Variants in CMSS1 observed in about 807,000 individuals in gnomAD.
The protein encoded by CMSS1 is protein CMSS1.
In CMSS1, 33 loss-of-function variants were observed where a neutral mutation model predicts 43.5. The observed-to-expected ratio is 0.76, with a 90% CI of 0.57 to 1.01. The LOEUF (loss-of-function observed/expected upper bound fraction) is 1.01. Among genes scored for constraint, CMSS1 ranks in the 50% least tolerant of loss-of-function variants. CMSS1 has a pLI of 0.00. For synonymous variants in CMSS1, 115 were observed against 117.2 expected (o/e 0.98, Z 0.12); for missense variants, 313 against 326.4 (o/e 0.96, Z 0.32).
intron 1 of CMSS1, among the ~76,000 whole-genome samples, chr3:100,062,670 A>C (rs1246437422): frequency 6.6e-6 from 1 of 152,194 alleles, no homozygotes; most frequent in African/African-American, 2.4e-5. Context: ...AATTTCAAAA[A>C]TCTCAAAACC....
intron 1 of CMSS1, among the ~76,000 whole-genome samples, chr3:99,854,497 A>T (rs1943857686): frequency 6.6e-6 from 1 of 152,074 alleles, no homozygotes; most frequent in Admixed American, 6.5e-5. Context: ...TTTTTCCATT[A>T]ATAGTTCCAG....
At chr3:100,156,299 CTTTTTTTTTTT>C (rs34413816) in intron 2 of CMSS1, among the ~76,000 whole-genome samples, 1 of 73,052 alleles carries the variant, frequency 1.4e-5, no homozygotes, top group Non-Finnish European at 2.6e-5. Context: ...AATTTTTTTT[CTTTTTTTTTTT>C]TTTTTTTTTT....
At chr3:99,836,361 C>G (rs1285557514) in intron 1 of CMSS1, among the ~76,000 whole-genome samples, 1 of 152,084 alleles carries the variant, frequency 6.6e-6, no homozygotes, top group Non-Finnish European at 1.5e-5. Flanking sequence ...AGACAAAGAG[C>G]AGTTCAAGAA....
Position 99,876,359 on chromosome 3 carries a change from C to T in CMSS1, c.64+58316C>T, listed in dbSNP as rs1705521122. Among the ~76,000 whole-genome samples, 9 of 152,234 alleles carry T rather than the reference C, an allele frequency of 5.9e-5. No homozygotes were observed. In the South Asian group the frequency reaches 1.9e-3, roughly 32 times the overall value. On this transcript the variant is annotated intron_variant, in intron 1 of 9. Coordinates refer to ENST00000421999, the MANE Select transcript of CMSS1 (RefSeq NM_032359.4). ...CGGCCGTGTGAACGGACCGTGGTTC[C>T]CGGCTCCCAGCGGAGGGAATGAGTG...
chr3:100,100,361 G>A (rs2066283695), intron 1 of CMSS1, among the ~76,000 whole-genome samples: 1 of 152,182 alleles, frequency 6.6e-6, no homozygotes, highest in South Asian at 2.1e-4. Flanking sequence ...AATGTACCAT[G>A]TACTATACTT....
intron 1 of CMSS1, among the ~76,000 whole-genome samples, chr3:100,023,861 T>C (rs1346191765): frequency 6.6e-6 from 1 of 152,204 alleles, no homozygotes; most frequent in African/African-American, 2.4e-5. Context: ...ACTCAACATA[T>C]AGTATTACTC....
chr3:100,072,517 A>T (rs1211514544), intron 1 of CMSS1, among the ~76,000 whole-genome samples: 1 of 152,172 alleles, frequency 6.6e-6, no homozygotes, highest in Non-Finnish European at 1.5e-5. Flanking sequence ...CAGTGGTGCA[A>T]TATCTTGCAT....
intron 1 of CMSS1, among the ~76,000 whole-genome samples, chr3:99,971,624 G>T (rs1336533817): frequency 6.6e-6 from 1 of 152,110 alleles, no homozygotes; most frequent in East Asian, 1.9e-4. Flanking sequence ...ATCTAAGTTG[G>T]TACCAGAGTA....
intron 1 of CMSS1, among the ~76,000 whole-genome samples, chr3:99,983,462 GTGTATATATATATATATATA>G (rs1293364566): frequency 1.3e-3 from 15 of 11,998 alleles, no homozygotes; most frequent in East Asian, 7.8e-3. Context: ...ATATATATGT[GTGTATATATATATATATATA>G]TATATATATA....
At chr3:100,117,185 T>C (rs553052869) in intron 1 of CMSS1, among the ~76,000 whole-genome samples, 1 of 152,326 alleles carries the variant, frequency 6.6e-6, no homozygotes, top group South Asian at 2.1e-4. Flanking sequence ...ATTATTTTTA[T>C]TATAGTTGCT....
At chr3:99,924,430 G>A in intron 1 of CMSS1, 1 of 1,606,706 alleles carries the variant, frequency 6.2e-7, no homozygotes, top group Non-Finnish European at 8.5e-7. Context: ...AACATTTATA[G>A]CCTGTTACCA....
intron 1 of CMSS1, among the ~76,000 whole-genome samples, chr3:99,877,812 T>G (rs1339015317): frequency 6.6e-6 from 1 of 152,210 alleles, no homozygotes; most frequent in Non-Finnish European, 1.5e-5. Context: ...AGTTGTATGA[T>G]GCATAAACAC....
At chr3:99,854,084 C>T (rs1393020512) in intron 1 of CMSS1, among the ~76,000 whole-genome samples, 2 of 152,118 alleles carry the variant, frequency 1.3e-5, no homozygotes, top group Non-Finnish European at 2.9e-5. Flanking sequence ...GAATGGTCCA[C>T]CCTAAATCGT....
chr3:99,830,984 A>C (rs1942651994), intron 1 of CMSS1, among the ~76,000 whole-genome samples: 1 of 152,236 alleles, frequency 6.6e-6, no homozygotes, highest in Non-Finnish European at 1.5e-5. Context: ...AGAATATGGC[A>C]TTTGACTTGG....
chr3:100,163,925 A>G (rs1157547906), intron 4 of CMSS1, among the ~76,000 whole-genome samples: 1 of 152,190 alleles, frequency 6.6e-6, no homozygotes, highest in East Asian at 1.9e-4. Flanking sequence ...TATGCTTTCT[A>G]GAAGCTTGAG....
rs1387296436 is a variant in CMSS1, at chr3:99,818,015, C to T, written c.36C>T (p.Asn12=). 1.2e-6 allele frequency: 2 copies of T among 1,613,924 alleles called. No homozygotes were observed. The highest frequency in any genetic ancestry group is 1.7e-6 in the Non-Finnish European group (2 of 1,179,990). ...ADDLGDEWWE[N]QPTGAGSSPE... is the part of the protein sequence containing the mutation. ...ATCTCGGAGACGAGTGGTGGGAGAA[C>T]CAGCCGACTGGAGCAGGCAGCAGCC... Residue 12 remains asparagine, a synonymous_variant, in exon 1 of 10, where the codon AAC becomes AAT. Transcript: ENST00000421999.
intron 1 of CMSS1, chr3:100,023,211 C>T (rs965156245): frequency 6.6e-6 from 1 of 152,276 alleles, no homozygotes; most frequent in Non-Finnish European, 1.5e-5. Context: ...AATGCAGTAA[C>T]CCTTACAGAG....
At chr3:100,058,752 G>A (rs1410230888) in intron 1 of CMSS1, among the ~76,000 whole-genome samples, 1 of 152,222 alleles carries the variant, frequency 6.6e-6, no homozygotes, top group Non-Finnish European at 1.5e-5. Context: ...TCAGTAGAAG[G>A]AGGACGCTGT....
rs2107525232 is a variant in CMSS1 at position 99,849,685 on chromosome 3, G to C, written c.64+31642G>C. ...AAATTGAGCTTTGTCTCGTTCATTA[G>C]CATACCTTCGTTCTAGAGTCTCATA... On this transcript the variant is annotated intron_variant, in intron 1 of 9. Coordinates refer to ENST00000421999, the MANE Select transcript of CMSS1 (RefSeq NM_032359.4). The C allele has an allele frequency of 1.9e-6, 3 of 1,613,422 alleles. No homozygotes were observed. The South Asian group carries it at 3.3e-5, about 18-fold the overall frequency.
Sources: allele counts gnomAD v4.1 joint callset (sites outside exome capture counted in the v4.1 genomes callset), GRCh38; gene constraint gnomAD v4.1.1; transcripts MANE v1.5; gene names NCBI Gene and HGNC (gene_info 2026-07-23, HGNC 2026-07-21).